The following CALN1 variants were observed in gnomAD, a reference collection of about 807,000 sequenced individuals.
CALN1 encodes calcium-binding protein 8.
Under a neutral mutation model 30.6 loss-of-function variants are expected in CALN1, and 17 were observed. That is an observed-to-expected ratio of 0.56 (90% CI 0.38 to 0.83). The LOEUF is 0.83. Among genes scored for constraint, CALN1 ranks in the 40% least tolerant of loss-of-function variants. CALN1 has a pLI of 0.00. For missense variants in CALN1, 291 were observed against 354.9 expected (o/e 0.82, Z 1.45); for synonymous variants, 156 against 131.4 (o/e 1.19, Z -1.28).
At chr7:72,154,686 G>A (rs1342345708) in intron 3 of CALN1, among the ~76,000 whole-genome samples, 3 of 152,118 alleles carry the variant, frequency 2.0e-5, no homozygotes, top group African/African-American at 4.8e-5. Flanking sequence ...TTTTAAGGAG[G>A]TTATGGGGTT....
chr7:71,918,251 G>A (rs1257011490), intron 5 of CALN1, among the ~76,000 whole-genome samples: 6 of 152,196 alleles, frequency 3.9e-5, no homozygotes, highest in African/African-American at 1.4e-4. Context: ...TGAGAACAAA[G>A]TGTCTCTTGC....
intron 3 of CALN1, among the ~76,000 whole-genome samples, chr7:72,131,500 T>C (rs538114881): frequency 4.6e-5 from 7 of 152,152 alleles, no homozygotes; most frequent in Non-Finnish European, 7.3e-5. Flanking sequence ...AAAATCTTGC[T>C]CCATTCCCAG....
At chr7:72,012,587 CA>C (rs1450860390) in intron 5 of CALN1, among the ~76,000 whole-genome samples, 2 of 152,098 alleles carry the variant, frequency 1.3e-5, no homozygotes, top group African/African-American at 4.8e-5. Context: ...GACTTTTTCC[CA>C]AAATATGAGT....
At chr7:72,446,359 G>C (rs1808525905) in intron 1 of CALN1, among the ~76,000 whole-genome samples, 1 of 152,174 alleles carries the variant, frequency 6.6e-6, no homozygotes, top group South Asian at 2.1e-4. Flanking sequence ...GCAGATTCCT[G>C]AATCAAAACA....
At chr7:72,274,754 C>G (rs1797230590) in intron 3 of CALN1, among the ~76,000 whole-genome samples, 1 of 152,072 alleles carries the variant, frequency 6.6e-6, no homozygotes. Context: ...CCTCCTCCAC[C>G]TAGTAAATAT....
intron 3 of CALN1, among the ~76,000 whole-genome samples, chr7:72,165,135 A>G (rs1412090930): frequency 6.6e-6 from 1 of 152,246 alleles, no homozygotes; most frequent in Non-Finnish European, 1.5e-5. Flanking sequence ...TTACCAAGAT[A>G]TAAGATTAAA....
chr7:71,873,306 C>T (rs923550083), intron 5 of CALN1, among the ~76,000 whole-genome samples: 17 of 152,070 alleles, frequency 1.1e-4, no homozygotes, highest in African/African-American at 3.6e-4. Flanking sequence ...CCACGCCCAG[C>T]CGAAAATTTT....
chr7:72,063,575 G>A (rs1803811686), intron 4 of CALN1, among the ~76,000 whole-genome samples: 1 of 152,168 alleles, frequency 6.6e-6, no homozygotes. Flanking sequence ...CTCCAGACTT[G>A]CCATGAGAGC....
chr7:72,162,730 C>G (rs2129544925), intron 3 of CALN1, among the ~76,000 whole-genome samples: 1 of 152,276 alleles, frequency 6.6e-6, no homozygotes, highest in Admixed American at 6.5e-5. Context: ...CAGAACAAGA[C>G]TCTGTCTCAA....
At chr7:72,228,757 A>C (rs994914451) in intron 3 of CALN1, among the ~76,000 whole-genome samples, 6 of 149,722 alleles carry the variant, frequency 4.0e-5, no homozygotes, top group Non-Finnish European at 8.9e-5. Flanking sequence ...TTATTTATTT[A>C]TTTATTTATT....
the CALN1 span, among the ~76,000 whole-genome samples, chr7:72,458,913 T>G: frequency 1.4e-5 from 2 of 146,520 alleles, no homozygotes; most frequent in African/African-American, 5.0e-5. Context: ...GTTTTTTGTT[T>G]GTTTGTTTTT....
At position 72,298,755 on chromosome 7, in the gene CALN1, T is replaced by C. The variant is rs116998634; in HGVS notation, c.120-19945A>G. Among the ~76,000 whole-genome samples the C allele has an allele frequency of 7.4e-3, 1,125 of 151,362 alleles. 7 individuals carry two copies. The highest frequency in any genetic ancestry group is 0.017 in the Middle Eastern group (5 of 294). ...CTGAATTATGGGGGCGGGTCTTTCC[T>C]GCACTGTTCTTGTGATAGTGACTGA... On this transcript the variant is annotated intron_variant, in intron 2 of 6. Transcript: ENST00000395275.
chr7:72,365,851 T>C (rs1803845638), intron 2 of CALN1, among the ~76,000 whole-genome samples: 1 of 152,220 alleles, frequency 6.6e-6, no homozygotes, highest in East Asian at 1.9e-4. Context: ...AGTGAGAGTA[T>C]ATGAAAACGT....
intron 5 of CALN1, among the ~76,000 whole-genome samples, chr7:71,981,083 G>C (rs879625737): frequency 1.3e-5 from 2 of 152,112 alleles, no homozygotes; most frequent in African/African-American, 4.8e-5. Flanking sequence ...TGTGGACACC[G>C]GGAATCATTC....
At chr7:72,057,112 TAAA>T (rs11323098) in intron 4 of CALN1, among the ~76,000 whole-genome samples, 9 of 127,146 alleles carry the variant, frequency 7.1e-5, no homozygotes, top group African/African-American at 2.4e-4. Flanking sequence ...ACCTGTTTTT[TAAA>T]AAAAAAAAGT....
chr7:72,470,780 C>T, the CALN1 span, among the ~76,000 whole-genome samples: 5 of 152,106 alleles, frequency 3.3e-5, no homozygotes, highest in African/African-American at 9.7e-5. Context: ...AACACGTGAG[C>T]AGGGGAAGCA....
rs1792492165 is a variant in CALN1, at chr7:71,880,345, G to C, written c.502-69853C>G. ...TCCAGCTTGCATTTTGCTTCAGGAA[G>C]ACTATAATTACAACATCACTACCTC... On this transcript the variant is annotated intron_variant, in intron 5 of 6. Coordinates refer to ENST00000395275, the MANE Select transcript of CALN1 (RefSeq NM_031468.4). Among the ~76,000 whole-genome samples, 9 of 152,262 alleles carry C rather than the reference G, an allele frequency of 5.9e-5. No homozygotes were observed. In the South Asian group the frequency reaches 1.7e-3, roughly 28 times the overall value.
intron 5 of CALN1, among the ~76,000 whole-genome samples, chr7:71,869,168 T>C (rs1172399139): frequency 3.3e-5 from 5 of 152,200 alleles, no homozygotes; most frequent in East Asian, 1.9e-4. Context: ...TAGAGATCTG[T>C]ATAGCAGAGA....
chr7:72,438,836 G>A (rs1425968394), intron 1 of CALN1, among the ~76,000 whole-genome samples: 2 of 152,136 alleles, frequency 1.3e-5, no homozygotes, highest in Non-Finnish European at 2.9e-5. Context: ...TAGCTTATAA[G>A]TTTATATTTT....
Sources: gnomAD v4.1 joint callset for allele counts (sites outside exome capture counted in the v4.1 genomes callset) on GRCh38, gnomAD v4.1.1 for gene constraint, MANE v1.5 for transcripts, NCBI Gene and HGNC (gene_info 2026-07-23, HGNC 2026-07-21) for gene names.